Variants in GABRB2 observed in about 807,000 individuals in gnomAD.
GABRB2 encodes gamma-aminobutyric acid type A receptor subunit beta2.
GABRB2 carries 16 observed loss-of-function variants against 54.7 expected under a neutral mutation model. The observed-to-expected ratio is 0.29, with a 90% CI of 0.20 to 0.44. The LOEUF (loss-of-function observed/expected upper bound fraction) is 0.44. Ranked by LOEUF, GABRB2 falls within the 20% of genes least tolerant of loss-of-function variation. The pLI is 1.00. For missense variants in GABRB2, 355 were observed against 644.0 expected, an observed-to-expected ratio of 0.55 and a Z score of 4.86; for synonymous variants, 244 against 233.8, an observed-to-expected ratio of 1.04 and a Z score of -0.40.
chr5:161,312,879 A>T (rs1381426030), intron 9 of GABRB2, among the ~76,000 whole-genome samples: 1 of 147,942 alleles, frequency 6.8e-6, no homozygotes, highest in Non-Finnish European at 1.5e-5. Flanking sequence ...ACGATAAGAG[A>T]TAACTCAACC....
chr5:161,517,761 T>C (rs1759991096), intron 3 of GABRB2, among the ~76,000 whole-genome samples: 1 of 152,016 alleles, frequency 6.6e-6, no homozygotes, highest in Non-Finnish European at 1.5e-5. Flanking sequence ...TTATCTAAAT[T>C]CTGGCATGAA....
intron 9 of GABRB2, among the ~76,000 whole-genome samples, chr5:161,321,632 G>T (rs1758212961): frequency 6.6e-6 from 1 of 152,080 alleles, no homozygotes; most frequent in South Asian, 2.1e-4. Context: ...TTGTCATTAT[G>T]TATCAATAGT....
intron 3 of GABRB2, among the ~76,000 whole-genome samples, chr5:161,514,922 T>G (rs1197960764): frequency 6.6e-6 from 1 of 152,214 alleles, no homozygotes; most frequent in Non-Finnish European, 1.5e-5. Flanking sequence ...TGTTAATGAC[T>G]TTAAGATGAG....
At position 161,473,259 on chromosome 5, in the gene GABRB2, C is replaced by A. The variant is rs540903002; in HGVS notation, c.238-13415G>T. ...GTAGATTGTATCCCTTTGAATGCAA[C>A]CATCCCATAGAGAAACTCAGCAGAT... On this transcript the variant is annotated intron_variant, in intron 3 of 9. Coordinates refer to ENST00000393959, the MANE Select transcript of GABRB2 (RefSeq NM_001371727.1). 7.2e-5 allele frequency among the ~76,000 whole-genome samples: 11 copies of A among 152,052 alleles called. No individual in the cohort carries two copies. In the Middle Eastern group the frequency reaches 0.01, roughly 141 times the overall value.
At chr5:161,520,269 C>T (rs1240630562) in intron 3 of GABRB2, among the ~76,000 whole-genome samples, 15 of 152,104 alleles carry the variant, frequency 9.9e-5, no homozygotes, top group Admixed American at 9.8e-4. Flanking sequence ...TGTCAGATTA[C>T]TTGTGTCATC....
chr5:161,445,464 A>G (rs1757590736), intron 4 of GABRB2, among the ~76,000 whole-genome samples: 1 of 152,092 alleles, frequency 6.6e-6, no homozygotes, highest in African/African-American at 2.4e-5. Context: ...CCTCTCAGCA[A>G]GGACATTCCA....
At chr5:161,533,220 T>C (rs1356543684) in intron 3 of GABRB2, among the ~76,000 whole-genome samples, 1 of 152,182 alleles carries the variant, frequency 6.6e-6, no homozygotes, top group Non-Finnish European at 1.5e-5. Flanking sequence ...GTACCCCCTA[T>C]ATTTTTCTAT....
rs532580167 is a variant in GABRB2 at position 161,526,097 on chromosome 5, G to A, written c.237+19130C>T. ...AAAGACTTTCTAAATCTTCTAAAATGTATATGGTATATGTATTCCAAAAGA... is the reference window on the plus strand; with the variant it reads ...AAAGACTTTCTAAATCTTCTAAAATATATATGGTATATGTATTCCAAAAGA... On this transcript the variant is annotated intron_variant, in intron 3 of 9. Coordinates refer to ENST00000393959, the MANE Select transcript of GABRB2 (RefSeq NM_001371727.1). Among the ~76,000 whole-genome samples the A allele has an allele frequency of 8.2e-4, 124 of 151,474 alleles. 1 individual carries two copies. Among genetic ancestry groups the A allele is most frequent in the African/African-American group, 2.9e-3 (120 of 41,472 alleles).
At position 161,293,332 on chromosome 5, in the gene GABRB2, T is replaced by C. The variant is rs1005190968; in HGVS notation, c.*749A>G. ...GTTACAACCGTCGTTTCTGATTTTC[T>C]ACTCTGCTCTGTGTTGTTAACTCTT... On this transcript the variant is annotated 3_prime_UTR_variant, in exon 10 of 10. Coordinates refer to ENST00000393959, the MANE Select transcript of GABRB2 (RefSeq NM_001371727.1). The C allele has an allele frequency of 6.6e-5, 10 of 152,348 alleles. No individual in the cohort carries two copies. Among genetic ancestry groups the C allele is most frequent in the African/African-American group, 1.9e-4 (8 of 41,478 alleles). 9.4% of individuals were successfully genotyped at this position (152,348 alleles called of 1,614,324 possible). A position where few individuals can be genotyped will look rare whatever the true frequency, so the allele number is the denominator to read the frequency against.
chr5:161,469,081 G>A (rs1758360988), intron 3 of GABRB2, among the ~76,000 whole-genome samples: 1 of 151,744 alleles, frequency 6.6e-6, no homozygotes, highest in East Asian at 1.9e-4. Context: ...GAGAAAATGT[G>A]TCCAAAAATA....
intron 5 of GABRB2, among the ~76,000 whole-genome samples, chr5:161,369,648 G>A (rs1191305133): frequency 1.3e-5 from 2 of 151,994 alleles, no homozygotes; most frequent in Non-Finnish European, 2.9e-5. Context: ...AGAGATGCTT[G>A]GGGGAATGTT....
chr5:161,334,656 T>G (rs1753939809), intron 7 of GABRB2, 96 bp downstream of exon 7: 1 of 1,287,984 alleles, frequency 7.8e-7, no homozygotes, highest in Non-Finnish European at 1.1e-6. Context: ...AGTTGCGTCA[T>G]GCACCACAAA....
At chr5:161,479,513 A>G (rs1758690844) in intron 3 of GABRB2, among the ~76,000 whole-genome samples, 1 of 152,022 alleles carries the variant, frequency 6.6e-6, no homozygotes, top group Non-Finnish European at 1.5e-5. Context: ...AAATTTGAAG[A>G]CCATGAAAAA....
At position 161,312,180 on chromosome 5, in the gene GABRB2, G is replaced by T. The variant is rs567993932; in HGVS notation, c.1191+14188C>A. Among the ~76,000 whole-genome samples, 17 of 152,266 alleles carry T rather than the reference G, an allele frequency of 1.1e-4. No homozygotes were observed. The East Asian group carries it at 3.3e-3, about 29-fold the overall frequency. The stretch of plus-strand genomic sequence containing the variant: ...GCAGCTGCAGTCTGATGGCTTCTGT[G>T]CATTTGGCCAATTACACAGTGAATT... On this transcript the variant is annotated intron_variant, in intron 9 of 9. Transcript: ENST00000393959.
At chr5:161,300,083 A>G (rs1373558961) in intron 9 of GABRB2, among the ~76,000 whole-genome samples, 3 of 152,084 alleles carry the variant, frequency 2.0e-5, no homozygotes, top group Admixed American at 6.6e-5. Flanking sequence ...TTCACTTCAC[A>G]AGGTGTGAGA....
At chr5:161,411,545 A>C (rs187011605) in intron 4 of GABRB2, among the ~76,000 whole-genome samples, 6 of 152,202 alleles carry the variant, frequency 3.9e-5, no homozygotes, top group Non-Finnish European at 7.3e-5. Flanking sequence ...GTGCTTTAAT[A>C]TAACACACAA....
At chr5:161,326,682 T>C (rs1269048485) in intron 8 of GABRB2, among the ~76,000 whole-genome samples, 1 of 152,048 alleles carries the variant, frequency 6.6e-6, no homozygotes, top group Non-Finnish European at 1.5e-5. Flanking sequence ...GCAGTAGAAA[T>C]AAATTGATTG....
At chr5:161,338,415 G>C (rs552845614) in intron 5 of GABRB2, among the ~76,000 whole-genome samples, 1 of 152,228 alleles carries the variant, frequency 6.6e-6, no homozygotes, top group South Asian at 2.1e-4. Flanking sequence ...TTATACGTCA[G>C]CAATATTTTA....
At chr5:161,429,359 G>GAAAAAAAAAAAAAAATAC (rs1757109062) in intron 4 of GABRB2, among the ~76,000 whole-genome samples, 1 of 41,728 alleles carries the variant, frequency 2.4e-5, no homozygotes, top group African/African-American at 9.5e-5. Flanking sequence ...AAAAAAAAAA[G>GAAAAAAAAAAAAAAATAC]AAAAAGAAAA....
Sources: allele counts gnomAD v4.1 joint callset (sites outside exome capture counted in the v4.1 genomes callset), GRCh38; gene constraint gnomAD v4.1.1; transcripts MANE v1.5; gene names NCBI Gene and HGNC (gene_info 2026-07-23, HGNC 2026-07-21).